Variants in TVP23A observed in about 807,000 individuals in gnomAD.
TVP23A encodes Golgi apparatus membrane protein TVP23 homolog A.
In TVP23A, 21 loss-of-function variants were observed where a neutral mutation model predicts 31.7. The observed-to-expected ratio is 0.66, with a 90% confidence interval of 0.47 to 0.95. The LOEUF (loss-of-function observed/expected upper bound fraction) is 0.95, where lower values mean the gene tolerates loss of function less well. Ranked by LOEUF, TVP23A falls within the 40% of genes least tolerant of loss-of-function variation. The pLI is 0.00. For synonymous variants in TVP23A, 104 were observed against 96.0 expected (o/e 1.08, Z -0.49); for missense variants, 279 against 255.6 (o/e 1.09, Z -0.62).
intron 2 of TVP23A, among the ~76,000 whole-genome samples, chr16:10,780,618 G>C (rs1245646718): frequency 6.6e-6 from 1 of 152,144 alleles, no homozygotes; most frequent in Non-Finnish European, 1.5e-5. Flanking sequence ...TAATCTCTGA[G>C]TAGCTCTGTG....
chr16:10,809,459 T>A (rs1216173232), intron 2 of TVP23A, among the ~76,000 whole-genome samples: 1 of 152,192 alleles, frequency 6.6e-6, no homozygotes, highest in Non-Finnish European at 1.5e-5. Context: ...TAGAAAAGGT[T>A]GGTGGGAAAC....
intron 2 of TVP23A, among the ~76,000 whole-genome samples, chr16:10,810,841 C>A (rs190765912): frequency 2.0e-5 from 3 of 152,104 alleles, no homozygotes; most frequent in African/African-American, 7.2e-5. Context: ...GGCCTTCGGG[C>A]TAGGATGGGT....
Position 10,773,345 on chromosome 16 carries a change from T to TA in TVP23A, c.420dup (p.Ser141Ter), listed in dbSNP as rs760251146. 1.5e-4 allele frequency: 245 copies of TA among 1,590,658 alleles called. 1 individual carries two copies. Among genetic ancestry groups the TA allele is most frequent in the Admixed American group, 6.4e-4 (37 of 57,782 alleles). Reference sequence around the variant, plus strand: ...TTTAGCTTCAAGGAAAATAAGGTGCTAAAAAAAAACACAATCCATATCATG... The same window carrying TA: ...TTTAGCTTCAAGGAAAATAAGGTGCTAAAAAAAAAACACAATCCATATCATG... On this transcript the variant is annotated frameshift_variant, in exon 5 of 8. Coordinates refer to ENST00000299866, the MANE Select transcript of TVP23A (RefSeq NM_001079512.4). LOFTEE classifies it high-confidence loss of function.
chr16:10,772,750 G>T (rs1041785461), intron 5 of TVP23A, among the ~76,000 whole-genome samples: 17 of 151,922 alleles, frequency 1.1e-4, no homozygotes, highest in African/African-American at 4.1e-4. Context: ...GGGCTTGGAG[G>T]AACAGAAGCA....
intron 2 of TVP23A, among the ~76,000 whole-genome samples, chr16:10,776,102 C>T (rs544411499): frequency 1.7e-4 from 26 of 151,476 alleles, no homozygotes; most frequent in Admixed American, 2.6e-4. Flanking sequence ...AGGCCAGGCA[C>T]GGTGGCTCAC....
rs564828653 is a variant in TVP23A, at chr16:10,799,844, T to C, written c.89+18259A>G. On this transcript the variant is annotated intron_variant, in intron 2 of 7. Transcript: ENST00000299866. The stretch of plus-strand genomic sequence containing the variant: ...TTTCAAAACAGGGGACTCGGAGTTA[T>C]TAACTGATGGACAGAAAAGAGCAGA... 1.2e-4 allele frequency among the ~76,000 whole-genome samples: 18 copies of C among 152,196 alleles called. No individual in the cohort carries two copies. In the South Asian group the frequency reaches 2.7e-3, roughly 23 times the overall value.
intron 2 of TVP23A, among the ~76,000 whole-genome samples, chr16:10,811,037 G>A (rs557720618): frequency 1.6e-4 from 24 of 152,158 alleles, no homozygotes; most frequent in African/African-American, 5.8e-4. Flanking sequence ...TGAAATGTCC[G>A]GAACAGGCAA....
intron 2 of TVP23A, among the ~76,000 whole-genome samples, chr16:10,807,348 T>C (rs982160638): frequency 2.0e-5 from 3 of 152,178 alleles, no homozygotes; most frequent in African/African-American, 7.2e-5. Flanking sequence ...CCCCCACACC[T>C]CCGGCTTCTC....
chr16:10,769,138 G>A (rs376901396), intron 7 of TVP23A, 37 bp from the exon 8 acceptor site: 51 of 1,606,788 alleles, frequency 3.2e-5, no homozygotes, highest in African/African-American at 2.9e-4. Flanking sequence ...AGCAGTTACC[G>A]AGCGAGGCAC....
At chr16:10,790,315 C>T (rs946920778) in intron 2 of TVP23A, among the ~76,000 whole-genome samples, 2 of 129,086 alleles carry the variant, frequency 1.5e-5, no homozygotes, top group African/African-American at 2.9e-5. Context: ...GACGGAGTCT[C>T]GCACTGTCGC....
chr16:10,757,877 G>A, downstream of TVP23A: 1 of 1,613,590 alleles, frequency 6.2e-7, no homozygotes. The surrounding 1 kb of genome is among the most constrained non-coding windows in gnomAD (Gnocchi z 4.1). Flanking sequence ...TTCTAGGCAT[G>A]ATCAAGCAGT....
At chr16:10,766,394 C>T (rs1255032357), downstream of TVP23A, among the ~76,000 whole-genome samples, 2 of 152,052 alleles carry the variant, frequency 1.3e-5, no homozygotes, top group Admixed American at 6.6e-5. The surrounding 1 kb of genome is among the most constrained non-coding windows in gnomAD (Gnocchi z 4.8). Context: ...GAGGTGGGAG[C>T]CCAGGGGGAA....
At position 10,777,052 on chromosome 16, in the gene TVP23A, A is replaced by G. The variant is rs913261262; in HGVS notation, c.90-1956T>C. Among the ~76,000 whole-genome samples, 6 of 152,156 alleles carry G rather than the reference A, an allele frequency of 3.9e-5. No individual in the cohort carries two copies. Among genetic ancestry groups the G allele is most frequent in the Non-Finnish European group, 7.4e-5 (5 of 68,018 alleles). ...ACTTAGAATGCCTTAACCGTCCAGG[A>G]ATGCAGCCCAGTAGGTCTCAGCCTC... On this transcript the variant is annotated intron_variant, in intron 2 of 7. Coordinates refer to ENST00000299866, the MANE Select transcript of TVP23A (RefSeq NM_001079512.4). This position sits in a 1 kb window ranked among gnomAD's most constrained non-coding sequence, Gnocchi z 4.5.
At chr16:10,814,111 A>G (rs939264837) in intron 2 of TVP23A, among the ~76,000 whole-genome samples, 3 of 152,004 alleles carry the variant, frequency 2.0e-5, no homozygotes, top group Non-Finnish European at 4.4e-5. Flanking sequence ...ACACATCAGA[A>G]TCAATGGGGT....
At chr16:10,769,347 A>C in intron 7 of TVP23A, 3 of 435,042 alleles carry the variant, frequency 6.9e-6, no homozygotes, top group African/African-American at 2.0e-5. Context: ...ACCCCCTCAA[A>C]TCTCTCCCCC....
intron 2 of TVP23A, among the ~76,000 whole-genome samples, chr16:10,803,274 T>TGTGTGTGTGTGTGTGTGTGTGTGTGC (rs1411152260): frequency 6.6e-6 from 1 of 151,782 alleles, no homozygotes; most frequent in Non-Finnish European, 1.5e-5. Flanking sequence ...TGTGTGTGTG[T>TGTGTGTGTGTGTGTGTGTGTGTGTGC]GTGTGTGTGT....
rs565210068 is a variant in TVP23A, at chr16:10,767,334, C to T, written c.*1768G>A. 4 of 399,536 alleles carry T rather than the reference C, an allele frequency of 1.0e-5. No homozygotes were observed. The highest frequency in any genetic ancestry group is 1.3e-4 in the South Asian group (1 of 7,878). 24.7% of individuals were successfully genotyped at this position (399,536 alleles called of 1,614,324 possible). On this transcript the variant is annotated 3_prime_UTR_variant, in exon 8 of 8. Transcript: ENST00000299866. The surrounding 1 kb of genome is among the most constrained non-coding windows in gnomAD (Gnocchi z 4.6). ...GCATAGGAGGGGACTGGAACAATGG[C>T]CACATGGCGGGGAAAGACTAGCAGA...
At chr16:10,796,265 A>T (rs2033382228) in intron 2 of TVP23A, among the ~76,000 whole-genome samples, 1 of 152,052 alleles carries the variant, frequency 6.6e-6, no homozygotes, top group Admixed American at 6.6e-5. Flanking sequence ...ACTAGAGCCC[A>T]GGAGTTCAAG....
chr16:10,774,591 G>T (rs1203514726), intron 3 of TVP23A, among the ~76,000 whole-genome samples: 1 of 136,074 alleles, frequency 7.3e-6, no homozygotes, highest in Non-Finnish European at 1.5e-5. Context: ...CTCTCACTTG[G>T]CTCTCATTCT....
Sources: allele counts gnomAD v4.1 joint callset (sites outside exome capture counted in the v4.1 genomes callset), GRCh38; gene constraint gnomAD v4.1.1; non-coding constraint Gnocchi (gnomAD v3.1); transcripts MANE v1.5; gene names NCBI Gene and HGNC (gene_info 2026-07-23, HGNC 2026-07-21).